ELK4: variants seen among roughly 807,000 people sequenced by gnomAD.
ELK4 encodes ETS transcription factor ELK4, also known as ETS domain-containing protein Elk-4.
In ELK4, 16 loss-of-function variants were observed where a neutral mutation model predicts 29.6. The ratio of observed to expected loss-of-function variants is 0.54; its 90% confidence interval spans 0.37 to 0.82. ELK4 has a LOEUF of 0.82. Among genes scored for constraint, ELK4 ranks in the 40% least tolerant of loss-of-function variants. The probability of loss-of-function intolerance (pLI) is 0.00; values close to 1 mark genes in which losing one functional copy is unlikely to be tolerated. For synonymous variants in ELK4, 213 were observed against 191.1 expected, an observed-to-expected ratio of 1.11 and a Z score of -0.95; for missense variants, 465 against 507.1, an observed-to-expected ratio of 0.92 and a Z score of 0.80.
At chr1:205,625,279 A>G (rs1670430237) in intron 1 of ELK4, among the ~76,000 whole-genome samples, 1 of 114,252 alleles carries the variant, frequency 8.8e-6, no homozygotes, top group African/African-American at 3.4e-5. Context: ...AAATATATTA[A>G]AAAACGCCTA....
rs1054472453 is a variant in ELK4 at position 205,610,045 on chromosome 1, T to C, written c.*6501A>G. 2 of 231,602 alleles carry C rather than the reference T, an allele frequency of 8.6e-6. No individual in the cohort carries two copies. Among genetic ancestry groups the C allele is most frequent in the Middle Eastern group, 1.3e-3 (1 of 800 alleles). The allele number at this position is 231,602 out of a possible 1,614,324, so 14.3% of individuals were successfully genotyped here. A position where few individuals can be genotyped will look rare whatever the true frequency, so the allele number is the denominator to read the frequency against. Reference sequence around the variant, plus strand: ...TATTAAAAATGAAACAGTGCTAATATTGGTGCCCAAGAAAGTGCCAAGTGA... The same window carrying C: ...TATTAAAAATGAAACAGTGCTAATACTGGTGCCCAAGAAAGTGCCAAGTGA... On this transcript the variant is annotated 3_prime_UTR_variant, in exon 5 of 5. Coordinates refer to ENST00000357992, the MANE Select transcript of ELK4 (RefSeq NM_001973.4).
chr1:205,619,137 G>A, intron 3 of ELK4, 64 bp from the exon 4 acceptor site: 8 of 1,352,994 alleles, frequency 5.9e-6, no homozygotes, highest in South Asian at 4.8e-5. Flanking sequence ...CCTTGAAACA[G>A]CACACAAATA....
Position 205,631,675 on chromosome 1 carries a change from C to G in ELK4, c.-53G>C. The G allele has an allele frequency of 2.9e-6, 1 of 345,526 alleles. No individual in the cohort carries two copies. Among genetic ancestry groups the G allele is most frequent in the South Asian group, 1.9e-5 (1 of 51,886 alleles). 21.4% of individuals were successfully genotyped at this position (345,526 alleles called of 1,614,324 possible). ...TCCCCCTCGGTCTCCGCCTCGAACA[C>G]GATGCGCCTCTCCGCCCTCAGCCTC... On this transcript the variant is annotated 5_prime_UTR_variant, in exon 1 of 5. Coordinates refer to ENST00000357992, the MANE Select transcript of ELK4 (RefSeq NM_001973.4).
At chr1:205,631,416 G>GTAAA (rs10635021) in intron 1 of ELK4, among the ~76,000 whole-genome samples, 6 of 150,288 alleles carry the variant, frequency 4.0e-5, no homozygotes, top group Non-Finnish European at 7.4e-5. Context: ...GGGGGACCAA[G>GTAAA]AGGCGACGAG....
In ELK4 at chr1:205,612,871, T is replaced by C. The variant is rs543114841; in HGVS notation, c.*3675A>G. 204 of 203,706 alleles carry C rather than the reference T, an allele frequency of 1.0e-3. 1 individual carries two copies. The highest frequency in any genetic ancestry group is 9.7e-3 in the Middle Eastern group (6 of 616). 12.6% of individuals were successfully genotyped at this position (203,706 alleles called of 1,614,324 possible). A position where few individuals can be genotyped will look rare whatever the true frequency, so the allele number is the denominator to read the frequency against. ...TAGTATGTAAATCTTCAAGGAATTT[T>C]CCAGTTAAAAAAAATCCAGTAGCCT... On this transcript the variant is annotated 3_prime_UTR_variant, in exon 5 of 5. Coordinates refer to ENST00000357992, the MANE Select transcript of ELK4 (RefSeq NM_001973.4).
At chr1:205,622,546 C>A (rs1275116412) in intron 2 of ELK4, among the ~76,000 whole-genome samples, 1 of 151,966 alleles carries the variant, frequency 6.6e-6, no homozygotes, top group African/African-American at 2.4e-5. Context: ...GTGTACACCA[C>A]CGCGCCACAC....
chr1:205,625,602 C>T lies in ELK4; in HGVS notation c.-9-1711G>A, dbSNP rs889503540. 1.3e-5 allele frequency: 16 copies of T among 1,237,750 alleles called. No homozygotes were observed. In the East Asian group the frequency reaches 2.1e-4, roughly 16 times the overall value. The allele number at this position is 1,237,750 out of a possible 1,614,324, so 76.7% of individuals were successfully genotyped here. On this transcript the variant is annotated intron_variant, in intron 1 of 4. Transcript: ENST00000357992. The stretch of plus-strand genomic sequence containing the variant: ...GATAGTAGAAAAGGCTCCCAAAGCT[C>T]GGATAGGAGACCTGGACCAAAAGAA...
chr1:205,612,422 A>G lies in ELK4; in HGVS notation c.*4124T>C. The G allele has an allele frequency of 4.6e-6, 1 of 217,760 alleles. No individual in the cohort carries two copies. The highest frequency in any genetic ancestry group is 6.8e-5 in the East Asian group (1 of 14,638). 13.5% of individuals were successfully genotyped at this position (217,760 alleles called of 1,614,324 possible). ...TACTTTTTATGCCATCCTTCACTTC[A>G]ATTTTTGTGTATTTTTTTATAACAC... On this transcript the variant is annotated 3_prime_UTR_variant, in exon 5 of 5. Transcript: ENST00000357992.
intron 1 of ELK4, among the ~76,000 whole-genome samples, chr1:205,625,332 G>C (rs777197339): frequency 6.6e-6 from 1 of 150,750 alleles, no homozygotes; most frequent in Non-Finnish European, 1.5e-5. Flanking sequence ...AGACATCATA[G>C]CAAAGAAGAT....
intron 3 of ELK4, chr1:205,619,652 A>G (rs909969392): frequency 2.9e-6 from 4 of 1,365,942 alleles, no homozygotes; most frequent in Admixed American, 3.5e-5. Flanking sequence ...TTTGTTTTAT[A>G]AGACACCAAC....
At chr1:205,618,001 A>G (rs1049596695) in intron 4 of ELK4, among the ~76,000 whole-genome samples, 2 of 70,992 alleles carry the variant, frequency 2.8e-5, no homozygotes, top group African/African-American at 8.6e-5. Flanking sequence ...GAGAGAGAGC[A>G]AGAGAGAGAG....
At position 205,623,817 on chromosome 1, in the gene ELK4, G is replaced by A; in HGVS notation, c.66C>T (p.His22=). The A allele has an allele frequency of 6.2e-7, 1 of 1,614,194 alleles. No individual in the cohort carries two copies. The highest frequency in any genetic ancestry group is 8.5e-7 in the Non-Finnish European group (1 of 1,180,034). ...LQLLQKPQNK[H]MICWTSNDGQ... ...CATCATTAGAGGTCCAACAGATCAT[G>A]TGCTTGTTCTGAGGCTTCTGCAGGA... The change falls in exon 2 of 5, where the codon CAC becomes CAT. Residue 22 remains histidine, a synonymous_variant. Transcript: ENST00000357992.
At chr1:205,629,796 G>A (rs775348287) in intron 1 of ELK4, among the ~76,000 whole-genome samples, 1 of 152,082 alleles carries the variant, frequency 6.6e-6, no homozygotes, top group Non-Finnish European at 1.5e-5. Flanking sequence ...GTTGCTTCAT[G>A]CCTGTAATCC....
At chr1:205,631,598 G>A (rs890987751) in intron 1 of ELK4, 34 bp downstream of exon 1, 3 of 197,748 alleles carry the variant, frequency 1.5e-5, no homozygotes, top group Admixed American at 1.2e-4. Flanking sequence ...GTGGCCGCGA[G>A]ATCCCGAGGG....
chr1:205,623,307 G>A (rs188168345), intron 2 of ELK4, among the ~76,000 whole-genome samples: 146 of 150,518 alleles, frequency 9.7e-4, no homozygotes, highest in African/African-American at 3.2e-3. Context: ...CAGAAAACAA[G>A]GAATCTTTTT....
In ELK4 at chr1:205,620,307, T is replaced by C. The variant is rs752658016; in HGVS notation, c.739A>G (p.Thr247Ala). The change falls in exon 3 of 5, where the codon ACT (threonine) becomes GCT (alanine). Residue 247 changes from threonine to alanine, a missense_variant. Thr to Ala is a moderately conservative substitution (Grantham distance 58). Around this residue, in one of 2 missense-constraint regions of ELK4, gnomAD observed 385 missense variants for 387.5 expected, o/e 0.99. Transcript: ENST00000357992. ...ATGGGTGGTGTGGTGGCAAAAGCAG[T>C]CATTACGTTAGAGGCAGAGGTTGGG... ...EAPTSASNVMTAFATTPPISS... is the reference protein window; with the variant it reads ...EAPTSASNVMAAFATTPPISS... 4 of 1,614,028 alleles carry C rather than the reference T, an allele frequency of 2.5e-6. No individual in the cohort carries two copies. The African/African-American group carries it at 5.3e-5, about 22-fold the overall frequency.
At chr1:205,621,218 AAG>A (rs1670341535) in intron 2 of ELK4, among the ~76,000 whole-genome samples, 2 of 150,168 alleles carry the variant, frequency 1.3e-5, no homozygotes, top group Admixed American at 6.6e-5. Context: ...AAAAAAAAAA[AAG>A]AAAAAGCTGG....
chr1:205,630,998 A>G (rs1374829795), intron 1 of ELK4, among the ~76,000 whole-genome samples: 1 of 152,240 alleles, frequency 6.6e-6, no homozygotes, highest in East Asian at 1.9e-4. Context: ...ACTTTTGACT[A>G]CTTCAGTCAA....
rs578100086 is a variant in ELK4 at position 205,610,777 on chromosome 1, A to G, written c.*5769T>C. On this transcript the variant is annotated 3_prime_UTR_variant, in exon 5 of 5. Coordinates refer to ENST00000357992, the MANE Select transcript of ELK4 (RefSeq NM_001973.4). The stretch of plus-strand genomic sequence containing the variant: ...CCTATGAAAACAGATTTACACGCGC[A>G]CACACACACACACACACATTCAGTC... 4.6e-4 allele frequency: 84 copies of G among 181,316 alleles called. No homozygotes were observed. Among genetic ancestry groups the G allele is most frequent in the Middle Eastern group, 2.0e-3 (1 of 504 alleles). 11.2% of individuals were successfully genotyped at this position (181,316 alleles called of 1,614,324 possible). A position where few individuals can be genotyped will look rare whatever the true frequency, so the allele number is the denominator to read the frequency against.
Sources: gnomAD v4.1 joint callset for allele counts (sites outside exome capture counted in the v4.1 genomes callset) on GRCh38, gnomAD v4.1.1 for gene constraint, gnomAD v4.1.1 regional missense constraint, MANE v1.5 for transcripts, NCBI Gene and HGNC (gene_info 2026-07-23, HGNC 2026-07-21) for gene names.